Variants in FAM222B observed in about 807,000 individuals in gnomAD.
FAM222B encodes protein FAM222B.
FAM222B carries 12 observed loss-of-function variants against 38.0 expected under a neutral mutation model. The ratio of observed to expected loss-of-function variants is 0.32; its 90% CI spans 0.20 to 0.51. The LOEUF (loss-of-function observed/expected upper bound fraction) is 0.51. Among genes scored for constraint, FAM222B ranks in the 20% least tolerant of loss-of-function variants. FAM222B has a pLI of 0.97. For missense variants in FAM222B, 716 were observed against 754.2 expected (o/e 0.95, Z 0.59); for synonymous variants, 329 against 317.2 (o/e 1.04, Z -0.40).
chr17:28,843,199 C>T (rs556747092), upstream of FAM222B, among the ~76,000 whole-genome samples: 3 of 150,192 alleles, frequency 2.0e-5, no homozygotes, highest in Non-Finnish European at 4.4e-5. Flanking sequence ...AGTGCAATGG[C>T]GTGATCTCGG....
Position 28,759,740 on chromosome 17 carries a change from G to A in FAM222B, c.219C>T (p.His73=), listed in dbSNP as rs1179932267. 1.2e-6 allele frequency: 2 copies of A among 1,613,710 alleles called. No individual in the cohort carries two copies. Among genetic ancestry groups the A allele is most frequent in the African/African-American group, 2.7e-5 (2 of 74,930 alleles). ...CGAGGCCGTTCACAGTACGACGAAC[G>A]TGTTTCCGCTGGGGAACCTTCACAC... The part of the protein sequence containing the change: ...PNSVKVPQRK[H]VRRTVNGLDT... Residue 73 remains histidine, a synonymous_variant, in exon 3 of 3, where the codon CAC becomes CAT. Coordinates refer to ENST00000581407, the MANE Select transcript of FAM222B (RefSeq NM_001077498.3). The surrounding 1 kb of genome is among the most constrained non-coding windows in gnomAD (Gnocchi z 4.8).
chr17:28,757,992 G>C lies in FAM222B; in HGVS notation c.*278C>G, dbSNP rs1231530646. 2 of 335,114 alleles carry C rather than the reference G, an allele frequency of 6.0e-6. No individual in the cohort carries two copies. Among genetic ancestry groups the C allele is most frequent in the Admixed American group, 9.0e-5 (2 of 22,276 alleles). The allele number at this position is 335,114 out of a possible 1,614,324, so 20.8% of individuals were successfully genotyped here. ...TTCAAGAAAAGATGGGTGGGAGCTGGCTGGAAATGGCCAAGGTGGAGAGAC... is the reference window on the plus strand; with the variant it reads ...TTCAAGAAAAGATGGGTGGGAGCTGCCTGGAAATGGCCAAGGTGGAGAGAC... On this transcript the variant is annotated 3_prime_UTR_variant, in exon 3 of 3. Coordinates refer to ENST00000581407, the MANE Select transcript of FAM222B (RefSeq NM_001077498.3).
At chr17:28,831,504 CTT>C (rs35692613) in intron 1 of FAM222B, among the ~76,000 whole-genome samples, 42 of 110,826 alleles carry the variant, frequency 3.8e-4, no homozygotes, top group Non-Finnish European at 3.7e-4. Context: ...TTGTCAAAGG[CTT>C]TTTTTTTTTT....
intron 1 of FAM222B, among the ~76,000 whole-genome samples, chr17:28,853,577 T>A (rs554126488): frequency 5.3e-5 from 8 of 152,202 alleles, no homozygotes; most frequent in African/African-American, 1.7e-4. Context: ...GTAAGTGCTA[T>A]ATAAATAGTT....
At position 28,758,593 on chromosome 17, in the gene FAM222B, T is replaced by C; in HGVS notation, c.1366A>G (p.Asn456Asp). The C allele has an allele frequency of 6.2e-7, 1 of 1,610,976 alleles. No homozygotes were observed. The highest frequency in any genetic ancestry group is 8.5e-7 in the Non-Finnish European group (1 of 1,179,868). ...NGHYFQPLWN[N>D]ILPTPNSDSS... ...TCGCTATTGGGAGTGGGCAGAATGT[T>C]GTTCCACAGGGGTTGGAAGTAGTGA... Residue 456 changes from asparagine to aspartate, a missense_variant, in exon 3 of 3, where the codon AAC becomes GAC. Asn to Asp is a conservative substitution (Grantham distance 23). Transcript: ENST00000581407.
intron 1 of FAM222B, among the ~76,000 whole-genome samples, chr17:28,787,950 G>A (rs914184040): frequency 6.7e-6 from 1 of 148,180 alleles, no homozygotes; most frequent in African/African-American, 2.5e-5. Context: ...TCAGCCTCCC[G>A]AGTGGCTAGG....
At chr17:28,801,430 G>A (rs2037219191) in intron 1 of FAM222B, among the ~76,000 whole-genome samples, 1 of 149,028 alleles carries the variant, frequency 6.7e-6, no homozygotes, top group African/African-American at 2.5e-5. Flanking sequence ...CTCCAGTCTG[G>A]GCGACAGCGA....
intron 1 of FAM222B, among the ~76,000 whole-genome samples, chr17:28,812,613 T>C (rs1279261328): frequency 6.6e-6 from 1 of 152,096 alleles, no homozygotes; most frequent in African/African-American, 2.4e-5. Context: ...ATAGGCCCGC[T>C]ACCCGCGGAC....
rs370352801 is a variant in FAM222B at position 28,763,448 on chromosome 17, G to T, written c.82+3138C>A. 1.9e-4 allele frequency among the ~76,000 whole-genome samples: 29 copies of T among 152,378 alleles called. 2 individuals are homozygous for T. In the South Asian group the frequency reaches 5.4e-3, roughly 28 times the overall value. On this transcript the variant is annotated intron_variant, in intron 2 of 2. Transcript: ENST00000581407. ...CTGGCCTTCAGCCTGAGAGTTAAATGTAACAGAAAGCACTGCTGTCTATTC... is the reference window on the plus strand; with the variant it reads ...CTGGCCTTCAGCCTGAGAGTTAAATTTAACAGAAAGCACTGCTGTCTATTC...
chr17:28,831,019 G>T (rs1211801120), intron 1 of FAM222B, among the ~76,000 whole-genome samples: 1 of 137,336 alleles, frequency 7.3e-6, no homozygotes, highest in South Asian at 2.2e-4. Context: ...TTTTTGAGAC[G>T]GAGTCTCGCT....
At chr17:28,831,980 G>A (rs2038683650) in intron 1 of FAM222B, among the ~76,000 whole-genome samples, 1 of 152,136 alleles carries the variant, frequency 6.6e-6, no homozygotes, top group Non-Finnish European at 1.5e-5. Flanking sequence ...ACAAGGTGAT[G>A]AGATCGAGAC....
intron 1 of FAM222B, among the ~76,000 whole-genome samples, chr17:28,807,885 AAAAC>A (rs1430857783): frequency 2.0e-5 from 3 of 152,254 alleles, no homozygotes; most frequent in Non-Finnish European, 2.9e-5. Context: ...TGTCTGGTTT[AAAAC>A]AAACAAAAAG....
intron 1 of FAM222B, among the ~76,000 whole-genome samples, chr17:28,836,020 CTTG>C (rs958842857): frequency 2.0e-5 from 3 of 151,270 alleles, no homozygotes; most frequent in African/African-American, 7.3e-5. Context: ...GAGTCTCCCT[CTTG>C]TTGTTGCCCG....
At chr17:28,848,075 G>C (rs1319520492) in intron 1 of FAM222B, among the ~76,000 whole-genome samples, 1 of 152,080 alleles carries the variant, frequency 6.6e-6, no homozygotes, top group Admixed American at 6.6e-5. Flanking sequence ...GCGGTGTCTG[G>C]CACATAGCAA....
intron 1 of FAM222B, among the ~76,000 whole-genome samples, chr17:28,814,479 C>T (rs991108193): frequency 2.6e-5 from 4 of 152,024 alleles, no homozygotes; most frequent in Admixed American, 6.6e-5. Flanking sequence ...ATTTTTGAGA[C>T]GGAGTTTCGC....
chr17:28,790,532 A>G (rs1271982645), intron 1 of FAM222B: 1 of 152,204 alleles, frequency 6.6e-6, no homozygotes, highest in Non-Finnish European at 1.5e-5. Flanking sequence ...ATGAACATCA[A>G]AGAAGGCCTG....
chr17:28,779,612 G>A (rs1295320614), intron 1 of FAM222B, among the ~76,000 whole-genome samples: 1 of 151,952 alleles, frequency 6.6e-6, no homozygotes, highest in Non-Finnish European at 1.5e-5. Flanking sequence ...TTAGCCGGGT[G>A]TGGTGGCGGG....
rs530800948 is a variant in FAM222B, at chr17:28,781,621, T to C, written c.-40-14914A>G. On this transcript the variant is annotated intron_variant, in intron 1 of 2. Coordinates refer to ENST00000581407, the MANE Select transcript of FAM222B (RefSeq NM_001077498.3). ...AGCATTATTCACAACAGCCAAGATA[T>C]GGAATCAGCCTAAGTGTCAGTCTAT... is the stretch of plus-strand genomic sequence containing the variant. 2.0e-5 allele frequency among the ~76,000 whole-genome samples: 3 copies of C among 152,296 alleles called. No individual in the cohort carries two copies. The East Asian group carries it at 5.8e-4, about 29-fold the overall frequency.
chr17:28,778,745 G>C (rs1413121806), intron 1 of FAM222B, among the ~76,000 whole-genome samples: 1 of 38,616 alleles, frequency 2.6e-5, no homozygotes, highest in Non-Finnish European at 4.7e-5. Flanking sequence ...TTTTTTTTTT[G>C]GTAGAAGTGG....
Sources: allele counts gnomAD v4.1 joint callset (sites outside exome capture counted in the v4.1 genomes callset), GRCh38; gene constraint gnomAD v4.1.1; non-coding constraint Gnocchi (gnomAD v3.1); transcripts MANE v1.5; gene names NCBI Gene and HGNC (gene_info 2026-07-23, HGNC 2026-07-21).